MAOB: variants seen among roughly 807,000 people sequenced by gnomAD.
MAOB encodes the protein monoamine oxidase B.
MAOB carries 15 observed loss-of-function variants against 41.9 expected under a neutral mutation model. The ratio of observed to expected loss-of-function variants is 0.36; its 90% CI spans 0.24 to 0.55. MAOB has a LOEUF of 0.55. Among genes scored for constraint, MAOB ranks in the 20% least tolerant of loss-of-function variants. The pLI, the probability that MAOB is intolerant of heterozygous loss-of-function variation, is 0.86. For missense variants in MAOB, 345 were observed against 398.7 expected, an observed-to-expected ratio of 0.87 and a Z score of 1.15; for synonymous variants, 167 against 144.2, an observed-to-expected ratio of 1.16 and a Z score of -1.13.
intron 3 of MAOB, among the ~76,000 whole-genome samples, chrX:43,826,462 A>G (rs2034949003): frequency 8.9e-6 from 1 of 112,729 alleles, no homozygotes; most frequent in East Asian, 2.8e-4. Flanking sequence ...ATCCTGAGCC[A>G]AGTGCTGGAG....
intron 7 of MAOB, among the ~76,000 whole-genome samples, chrX:43,794,617 CTG>C (rs1467227028): frequency 1.8e-4 from 20 of 110,589 alleles, no homozygotes; most frequent in African/African-American, 6.6e-4. Flanking sequence ...TAAATATTTT[CTG>C]TGTTTTTCTA....
Position 43,803,294 on chromosome X carries a change from C to T in MAOB, c.384+6G>A. ...AAGAATACAAATATAGTCAAAGAAG[C>T]TTTACCTCTCGCCCCATGTCATCCA... On this transcript the variant is annotated splice_donor_region_variant and intron_variant, in intron 4 of 14. Coordinates refer to ENST00000378069, the MANE Select transcript of MAOB (RefSeq NM_000898.5). 8.8e-7 allele frequency: 1 copy of T among 1,130,172 alleles called. No homozygotes were observed. The highest frequency in any genetic ancestry group is 3.3e-5 in the East Asian group (1 of 30,336). The allele number at this position is 1,130,172 out of a possible 1,213,427, so 93.1% of individuals were successfully genotyped here.
At chrX:43,872,209 A>C (rs2035412639) in intron 1 of MAOB, among the ~76,000 whole-genome samples, 1 of 112,183 alleles carries the variant, frequency 8.9e-6, no homozygotes, top group Admixed American at 9.5e-5. Context: ...GGTAGGCATA[A>C]CGTAGTAATT....
At position 43,838,948 on chromosome X, in the gene MAOB, G is replaced by T. The variant is rs777268698; in HGVS notation, c.199C>A (p.Arg67Ser). 1 of 1,203,673 alleles carries T rather than the reference G, an allele frequency of 8.3e-7. No homozygotes were observed. The highest frequency in any genetic ancestry group is 2.2e-5 in the Admixed American group (1 of 45,669). The change falls in exon 3 of 15, where the codon CGT (arginine) becomes AGT (serine). Residue 67 changes from arginine (R) to serine (S), a missense_variant. Physicochemically the swap from Arg to Ser is moderately radical, Grantham distance 110. Transcript: ENST00000378069. Reference sequence around the variant, plus strand: ...AGCTCCTTGGCTAATCTCAAGATACGATTCTGGGTTGGTCCAACATAGGAT... The same window carrying T: ...AGCTCCTTGGCTAATCTCAAGATACTATTCTGGGTTGGTCCAACATAGGAT... ...GGSYVGPTQN[R>S]ILRLAKELGL...
intron 1 of MAOB, among the ~76,000 whole-genome samples, chrX:43,879,306 C>G (rs2035459312): frequency 8.9e-6 from 1 of 112,133 alleles, no homozygotes; most frequent in African/African-American, 3.2e-5. Context: ...TCTGTTTATC[C>G]CAAAGGGAGT....
intron 10 of MAOB, 24 bp from the exon 11 acceptor site, chrX:43,778,763 A>T: frequency 8.7e-7 from 1 of 1,151,211 alleles, no homozygotes. Flanking sequence ...GAGACAAAAG[A>T]GAAAATAAAG....
intron 13 of MAOB, 85 bp downstream of exon 13, chrX:43,769,222 G>A: frequency 1.9e-6 from 2 of 1,059,200 alleles, no homozygotes; most frequent in Non-Finnish European, 2.4e-6. Flanking sequence ...TGGAGAGTTG[G>A]TCTCCAGGCT....
chrX:43,830,350 G>A (rs1040309294), intron 3 of MAOB, among the ~76,000 whole-genome samples: 1 of 111,465 alleles, frequency 9.0e-6, no homozygotes, highest in Non-Finnish European at 1.9e-5. Context: ...GGCCAGTTAG[G>A]GACCCAGAGG....
At chrX:43,785,319 C>T (rs986578342) in intron 8 of MAOB, among the ~76,000 whole-genome samples, 1 of 112,595 alleles carries the variant, frequency 8.9e-6, no homozygotes, top group Non-Finnish European at 1.9e-5. Flanking sequence ...ATGAACCAAC[C>T]TCTGCTAGCT....
intron 1 of MAOB, among the ~76,000 whole-genome samples, chrX:43,849,956 G>A (rs181714902): frequency 7.1e-5 from 8 of 112,296 alleles, no homozygotes; most frequent in African/African-American, 2.6e-4. Context: ...TTTTTCAAAG[G>A]GAAAGAAAGA....
Position 43,767,335 on chromosome X carries a change from T to C in MAOB, c.*131A>G. On this transcript the variant is annotated 3_prime_UTR_variant, in exon 15 of 15. Transcript: ENST00000378069. Reference sequence around the variant, plus strand: ...GATACCATGTATTTTACAGTCAGAGTTGGATTTATCTTCATGCTCCCCGCC... The same window carrying C: ...GATACCATGTATTTTACAGTCAGAGCTGGATTTATCTTCATGCTCCCCGCC... 1 of 610,965 alleles carries C rather than the reference T, an allele frequency of 1.6e-6. No homozygotes were observed. Among genetic ancestry groups the C allele is most frequent in the Admixed American group, 3.8e-5 (1 of 26,229 alleles). The allele number at this position is 610,965 out of a possible 1,213,427, so 50.4% of individuals were successfully genotyped here. A position where few individuals can be genotyped will look rare whatever the true frequency, so the allele number is the denominator to read the frequency against.
chrX:43,768,650 C>T lies in MAOB; in HGVS notation c.1410+4G>A. ...CTAATTTCATGAAATAAAACATAGC[C>T]TACCACAGACTCTGGTTCTGACTGC... On this transcript the variant is annotated splice_donor_region_variant and intron_variant, in intron 14 of 14. Coordinates refer to ENST00000378069, the MANE Select transcript of MAOB (RefSeq NM_000898.5). 5.0e-6 allele frequency: 6 copies of T among 1,198,010 alleles called. No individual in the cohort carries two copies. The highest frequency in any genetic ancestry group is 6.8e-6 in the Non-Finnish European group (6 of 883,332).
At chrX:43,790,427 C>T (rs1038819089) in intron 8 of MAOB, among the ~76,000 whole-genome samples, 1 of 112,060 alleles carries the variant, frequency 8.9e-6, no homozygotes, top group African/African-American at 3.3e-5. Flanking sequence ...TGTCTTCCTC[C>T]TGAGCCTGGA....
intron 2 of MAOB, among the ~76,000 whole-genome samples, chrX:43,841,834 G>A (rs2035140995): frequency 8.9e-6 from 1 of 111,823 alleles, no homozygotes; most frequent in East Asian, 2.8e-4. Flanking sequence ...AATAAATGGT[G>A]CAGGAAAAAC....
Position 43,818,454 on chromosome X carries a change from C to A in MAOB, c.280-15050G>T, listed in dbSNP as rs142713011. ...TGTGCTTAACATCAAGCTAGTTTCC[C>A]AGCTCCTGCTTCCTCTCATGCAGCA... On this transcript the variant is annotated intron_variant, in intron 3 of 14. Coordinates refer to ENST00000378069, the MANE Select transcript of MAOB (RefSeq NM_000898.5). Among the ~76,000 whole-genome samples the A allele has an allele frequency of 2.7e-4, 30 of 112,074 alleles. No homozygotes were observed. The East Asian group carries it at 8.1e-3, about 30-fold the overall frequency.
At chrX:43,857,667 A>G (rs1373145984) in intron 1 of MAOB, among the ~76,000 whole-genome samples, 1 of 110,925 alleles carries the variant, frequency 9.0e-6, no homozygotes, top group Non-Finnish European at 1.9e-5. Flanking sequence ...CTCTGAAAAC[A>G]ACTTCCACCT....
intron 1 of MAOB, among the ~76,000 whole-genome samples, chrX:43,857,866 C>G (rs768408723): frequency 6.3e-5 from 7 of 111,988 alleles, no homozygotes; most frequent in Non-Finnish European, 1.1e-4. Flanking sequence ...AAAACAATAG[C>G]CAACAGCAAG....
intron 8 of MAOB, among the ~76,000 whole-genome samples, chrX:43,786,463 C>T (rs995406979): frequency 8.9e-6 from 1 of 111,743 alleles, no homozygotes; most frequent in Admixed American, 9.5e-5. Context: ...CTGTTAGAAT[C>T]AATGTCCCAA....
At chrX:43,854,590 G>A (rs1468088646) in intron 1 of MAOB, among the ~76,000 whole-genome samples, 1 of 111,498 alleles carries the variant, frequency 9.0e-6, no homozygotes, top group East Asian at 2.8e-4. Flanking sequence ...ATGACAGGTT[G>A]ATAGGTGCAG....
Sources: gnomAD v4.1 joint callset for allele counts (sites outside exome capture counted in the v4.1 genomes callset) on GRCh38, gnomAD v4.1.1 for gene constraint, MANE v1.5 for transcripts, NCBI Gene and HGNC (gene_info 2026-07-23, HGNC 2026-07-21) for gene names.